Variants in CDKAL1 observed in about 807,000 individuals in gnomAD.
CDKAL1 encodes the protein CDKAL1 threonylcarbamoyladenosine tRNA methylthiotransferase, also known as threonylcarbamoyladenosine tRNA methylthiotransferase.
Under a neutral mutation model 68.2 loss-of-function variants are expected in CDKAL1, and 32 were observed. The observed-to-expected ratio is 0.47, with a 90% CI of 0.35 to 0.63. The LOEUF (loss-of-function observed/expected upper bound fraction) is 0.63. CDKAL1 is among the 30% of genes least tolerant of loss of function. The pLI is 0.00. For missense variants in CDKAL1, 606 were observed against 696.7 expected, an observed-to-expected ratio of 0.87 and a Z score of 1.47; for synonymous variants, 234 against 244.3, an observed-to-expected ratio of 0.96 and a Z score of 0.39.
intron 11 of CDKAL1, among the ~76,000 whole-genome samples, chr6:21,004,821 G>C (rs1177420928): frequency 6.6e-6 from 1 of 152,062 alleles, no homozygotes; most frequent in Non-Finnish European, 1.5e-5. Flanking sequence ...AACTAGCTGA[G>C]CATGCTGATG....
At chr6:20,910,743 A>G (rs2150622357) in intron 9 of CDKAL1, among the ~76,000 whole-genome samples, 1 of 152,346 alleles carries the variant, frequency 6.6e-6, no homozygotes, top group South Asian at 2.1e-4. Flanking sequence ...TTTTCACAGG[A>G]GCACAAGTTA....
chr6:20,853,386 CA>C (rs751328082), intron 9 of CDKAL1, among the ~76,000 whole-genome samples: 510 of 32,450 alleles, frequency 0.016, 4 homozygotes, highest in African/African-American at 0.076. Context: ...TCTCAAAAAA[CA>C]AAACAAAAAA....
At chr6:20,952,200 T>C (rs1469624369) in intron 9 of CDKAL1, among the ~76,000 whole-genome samples, 3 of 152,094 alleles carry the variant, frequency 2.0e-5, no homozygotes, top group African/African-American at 7.2e-5. Context: ...CCTCGTGATC[T>C]GCCTGCCTCG....
intron 8 of CDKAL1, among the ~76,000 whole-genome samples, chr6:20,801,675 C>G (rs1320393029): frequency 6.6e-6 from 1 of 152,094 alleles, no homozygotes; most frequent in African/African-American, 2.4e-5. Context: ...AATGCGTATG[C>G]CTGTGTAACT....
rs1766922525 is a variant in CDKAL1 at position 20,993,001 on chromosome 6, TTA to T, written c.910-7222_910-7221del. Among the ~76,000 whole-genome samples, 6 of 152,122 alleles carry T rather than the reference TTA, an allele frequency of 3.9e-5. No individual in the cohort carries two copies. In the South Asian group the frequency reaches 1.2e-3, roughly 32 times the overall value. The stretch of plus-strand genomic sequence containing the variant: ...AGCCAGTCAGAAAACAAGTCACATA[TTA>T]TATGAGTCTATTTATATAAAATATC... On this transcript the variant is annotated intron_variant, in intron 10 of 15. Coordinates refer to ENST00000274695, the MANE Select transcript of CDKAL1 (RefSeq NM_017774.3).
chr6:21,152,297 T>C (rs757837046), intron 13 of CDKAL1, among the ~76,000 whole-genome samples: 3 of 152,330 alleles, frequency 2.0e-5, no homozygotes, highest in Non-Finnish European at 2.9e-5. Flanking sequence ...ACTCCTCCCC[T>C]TCACTTTCAC....
At chr6:20,698,381 C>T (rs547570915) in intron 5 of CDKAL1, among the ~76,000 whole-genome samples, 5 of 152,312 alleles carry the variant, frequency 3.3e-5, no homozygotes, top group Admixed American at 2.6e-4. Context: ...AACATTGGTA[C>T]ATTCCCGTTA....
At chr6:20,675,414 AT>A (rs1453694136) in intron 5 of CDKAL1, among the ~76,000 whole-genome samples, 37 of 152,124 alleles carry the variant, frequency 2.4e-4, no homozygotes, top group Non-Finnish European at 4.1e-4. Context: ...AATTGGGGCA[AT>A]TTTGGTAATC....
At chr6:20,891,533 T>A (rs1761397258) in intron 9 of CDKAL1, among the ~76,000 whole-genome samples, 2 of 101,774 alleles carry the variant, frequency 2.0e-5, no homozygotes, top group Admixed American at 1.4e-4. Context: ...TTCTTTTTTC[T>A]GTATTTTTTT....
chr6:20,684,269 C>G (rs1019441026), intron 5 of CDKAL1, among the ~76,000 whole-genome samples: 1 of 152,176 alleles, frequency 6.6e-6, no homozygotes, highest in Non-Finnish European at 1.5e-5. Context: ...TGGCAAAACC[C>G]TGTCTCTACT....
In CDKAL1 at chr6:20,739,512, C is replaced by A. The variant is rs749772190; in HGVS notation, c.372-7C>A. 6.3e-7 allele frequency: 1 copy of A among 1,588,722 alleles called. No individual in the cohort carries two copies. The highest frequency in any genetic ancestry group is 1.7e-5 in the Admixed American group (1 of 58,718). ...GAATTCACATTGTCTTCTCTTCAAT[C>A]TTTTAGAAAAGCTCAAGAGGAGAAC... is the stretch of plus-strand genomic sequence containing the variant. On this transcript the variant is annotated splice_polypyrimidine_tract_variant and splice_region_variant and intron_variant, in intron 5 of 15. Coordinates refer to ENST00000274695, the MANE Select transcript of CDKAL1 (RefSeq NM_017774.3).
intron 10 of CDKAL1, among the ~76,000 whole-genome samples, chr6:20,996,104 A>G (rs192910729): frequency 1.3e-5 from 2 of 152,306 alleles, no homozygotes; most frequent in East Asian, 3.9e-4. Flanking sequence ...TCCTCACTTC[A>G]ATCAGCCTTT....
At chr6:21,211,700 G>C (rs1779155982) in intron 15 of CDKAL1, among the ~76,000 whole-genome samples, 1 of 152,186 alleles carries the variant, frequency 6.6e-6, no homozygotes, top group South Asian at 2.1e-4. Flanking sequence ...GTTTTAATAA[G>C]AAGGAGAAGA....
At chr6:20,573,095 C>T (rs1764769376) in intron 4 of CDKAL1, among the ~76,000 whole-genome samples, 1 of 152,066 alleles carries the variant, frequency 6.6e-6, no homozygotes, top group Non-Finnish European at 1.5e-5. Context: ...TGACATTTAG[C>T]AAGTTCAGGA....
chr6:21,062,149 C>A (rs1771170422), intron 11 of CDKAL1, among the ~76,000 whole-genome samples: 1 of 152,158 alleles, frequency 6.6e-6, no homozygotes. Context: ...AAGGTACTTT[C>A]CTGTGGGAAT....
chr6:20,702,825 T>C (rs113246763), intron 5 of CDKAL1, among the ~76,000 whole-genome samples: 2,283 of 152,284 alleles, frequency 0.015, 48 homozygotes, highest in African/African-American at 0.052. Flanking sequence ...CACCTAGGTC[T>C]GTGGGGGTGG....
At chr6:21,085,171 CA>C (rs1256656724) in intron 12 of CDKAL1, among the ~76,000 whole-genome samples, 1 of 152,158 alleles carries the variant, frequency 6.6e-6, no homozygotes, top group Admixed American at 6.5e-5. Context: ...GTAGAAACTA[CA>C]GCAATCTTTT....
At chr6:21,134,062 G>A (rs773068228) in intron 13 of CDKAL1, among the ~76,000 whole-genome samples, 6 of 152,090 alleles carry the variant, frequency 3.9e-5, no homozygotes, top group African/African-American at 7.2e-5. Context: ...TGCCGGGGTC[G>A]TGGGGGCGTA....
At chr6:20,911,171 G>C (rs115926949) in intron 9 of CDKAL1, among the ~76,000 whole-genome samples, 2 of 152,156 alleles carry the variant, frequency 1.3e-5, no homozygotes, top group Non-Finnish European at 2.9e-5. Flanking sequence ...TTATGATAAC[G>C]AGTAAGTTAG....
Sources: allele counts gnomAD v4.1 joint callset (sites outside exome capture counted in the v4.1 genomes callset), GRCh38; gene constraint gnomAD v4.1.1; transcripts MANE v1.5; gene names NCBI Gene and HGNC (gene_info 2026-07-23, HGNC 2026-07-21).